The following NXN variants were observed in gnomAD, a reference collection of about 807,000 sequenced individuals.
NXN encodes nucleoredoxin.
Under a neutral mutation model 48.6 loss-of-function variants are expected in NXN, and 16 were observed. The observed-to-expected ratio is 0.33, with a 90% confidence interval of 0.22 to 0.50. The LOEUF (loss-of-function observed/expected upper bound fraction) is 0.50. Ranked by LOEUF, NXN falls within the 20% of genes least tolerant of loss-of-function variation. The pLI is 0.98. For missense variants in NXN, 492 were observed against 605.5 expected (o/e 0.81, Z 1.97); for synonymous variants, 281 against 269.6 (o/e 1.04, Z -0.41).
At chr17:975,065 TC>T (rs969168552) in intron 1 of NXN, among the ~76,000 whole-genome samples, 2 of 151,876 alleles carry the variant, frequency 1.3e-5, no homozygotes, top group African/African-American at 2.4e-5. Flanking sequence ...GCTCAAGTGA[TC>T]CCCCCACCTT....
chr17:841,468 A>G (rs77615386), intron 1 of NXN, among the ~76,000 whole-genome samples: 5,184 of 81,776 alleles, frequency 0.063, 122 homozygotes, highest in Middle Eastern at 0.1. Context: ...CGCATCTCAC[A>G]CGGGCGAGCA....
rs1040889893 is a variant in NXN at position 857,867 on chromosome 17, G to A, written c.361-31789C>T. Among the ~76,000 whole-genome samples, 10 of 152,154 alleles carry A rather than the reference G, an allele frequency of 6.6e-5. No individual in the cohort carries two copies. The East Asian group carries it at 7.7e-4, about 12-fold the overall frequency. On this transcript the variant is annotated intron_variant, in intron 1 of 7. Coordinates refer to ENST00000336868, the MANE Select transcript of NXN (RefSeq NM_022463.5). ...GTTATTCCTTTTGTAGTTTTCTTTC[G>A]GTCCTTCCAATTACTTTAAGAGAAG...
intron 1 of NXN, among the ~76,000 whole-genome samples, chr17:886,059 T>C (rs2068343775): frequency 6.6e-6 from 1 of 151,958 alleles, no homozygotes; most frequent in African/African-American, 2.4e-5. Flanking sequence ...AACCCTGGCA[T>C]GGAACCACAC....
At position 841,572 on chromosome 17, in the gene NXN, GGA is replaced by G. The variant is rs1567827922; in HGVS notation, c.361-15496_361-15495del. 1.3e-3 allele frequency among the ~76,000 whole-genome samples: 117 copies of G among 91,434 alleles called. 11 individuals are homozygous for G. Among genetic ancestry groups the G allele is most frequent in the Middle Eastern group, 0.012 (2 of 166 alleles). 60.0% of individuals were successfully genotyped at this position (91,434 alleles called of 152,430 possible). ...CGGCGAGCAGGTCCCCCCTGACCAC[GGA>G]GCATCTCACGCCGGCGAGCAGGTCC... On this transcript the variant is annotated intron_variant, in intron 1 of 7. Coordinates refer to ENST00000336868, the MANE Select transcript of NXN (RefSeq NM_022463.5).
At chr17:887,642 C>A (rs539022269) in intron 1 of NXN, among the ~76,000 whole-genome samples, 1 of 152,108 alleles carries the variant, frequency 6.6e-6, no homozygotes, top group Admixed American at 6.6e-5. Context: ...GCCAATTAAA[C>A]GGGAATGCAG....
chr17:866,495 C>G (rs1402203464), intron 1 of NXN, among the ~76,000 whole-genome samples: 1 of 152,108 alleles, frequency 6.6e-6, no homozygotes, highest in Non-Finnish European at 1.5e-5. Flanking sequence ...ACCCTTGTAC[C>G]CAGGAGGCGG....
intron 1 of NXN, among the ~76,000 whole-genome samples, chr17:914,583 A>G (rs1227761572): frequency 1.3e-5 from 2 of 152,236 alleles, no homozygotes; most frequent in Non-Finnish European, 2.9e-5. Context: ...TAGAGGAGAC[A>G]GGAATATACA....
chr17:822,448 A>G lies in NXN; in HGVS notation c.622T>C (p.Cys208Arg). The stretch of plus-strand genomic sequence containing the variant: ...ACCAGGACCCGGGTGAGGCTTCGGC[A>G]GGGCGGACACTGAAAGACAGGACAG... ...VYFSAHWCPPCRSLTRVLVES... is the reference protein window; with the variant it reads ...VYFSAHWCPPRRSLTRVLVES... Residue 208 changes from cysteine (C) to arginine (R), a missense_variant, in exon 4 of 8, where the codon TGC becomes CGC. By Grantham distance (180) the Cys-to-Arg change is radical (BLOSUM62 -3). Coordinates refer to ENST00000336868, the MANE Select transcript of NXN (RefSeq NM_022463.5). 6.2e-7 allele frequency: 1 copy of G among 1,613,780 alleles called. No homozygotes were observed.
At chr17:934,512 T>C (rs565159669) in intron 1 of NXN, among the ~76,000 whole-genome samples, 1 of 148,818 alleles carries the variant, frequency 6.7e-6, no homozygotes, top group South Asian at 2.2e-4. Context: ...GTATAGAAAG[T>C]CATTTCTGGA....
At chr17:940,681 C>G (rs1203801990) in intron 1 of NXN, among the ~76,000 whole-genome samples, 4 of 151,600 alleles carry the variant, frequency 2.6e-5, no homozygotes, top group Non-Finnish European at 4.4e-5. Flanking sequence ...TTACAGTGAA[C>G]AAGATTCCAG....
At position 919,264 on chromosome 17, in the gene NXN, GA is replaced by G. The variant is rs2068721175; in HGVS notation, c.360+60054del. On this transcript the variant is annotated intron_variant, in intron 1 of 7. Coordinates refer to ENST00000336868, the MANE Select transcript of NXN (RefSeq NM_022463.5). The surrounding 1 kb of genome is among the most constrained non-coding windows in gnomAD (Gnocchi z 5.1). ...TGTAGTCCCAGTTCCTTGGGAGGCT[GA>G]AGCAGGAGAATAGCTTGAACTAGGG... 6.6e-6 allele frequency among the ~76,000 whole-genome samples: 1 copy of G among 152,096 alleles called. No homozygotes were observed. Among genetic ancestry groups the G allele is most frequent in the Admixed American group, 6.6e-5 (1 of 15,260 alleles).
intron 1 of NXN, among the ~76,000 whole-genome samples, chr17:866,239 C>G (rs2068094505): frequency 6.6e-6 from 1 of 151,858 alleles, no homozygotes; most frequent in Non-Finnish European, 1.5e-5. Flanking sequence ...CAGACAATAC[C>G]CGTCACATAC....
At chr17:810,707 T>C (rs910654733) in intron 5 of NXN, among the ~76,000 whole-genome samples, 5 of 152,094 alleles carry the variant, frequency 3.3e-5, no homozygotes, top group Admixed American at 1.3e-4. Context: ...CTGACCAACA[T>C]GGTGAAACCC....
At chr17:882,230 A>G (rs1484868178) in intron 1 of NXN, among the ~76,000 whole-genome samples, 1 of 152,156 alleles carries the variant, frequency 6.6e-6, no homozygotes, top group Admixed American at 6.5e-5. Context: ...CCTTCCCACA[A>G]GTGACCACCT....
At chr17:924,718 CG>C (rs2068782277) in intron 1 of NXN, among the ~76,000 whole-genome samples, 1 of 292 alleles carries the variant, frequency 3.4e-3, no homozygotes, top group South Asian at 0.5. Flanking sequence ...AGACTAACTC[CG>C]TTCCGTTCCG....
chr17:817,671 G>GA (rs1230474649), intron 5 of NXN, among the ~76,000 whole-genome samples: 4,723 of 107,074 alleles, frequency 0.044, 146 homozygotes, highest in African/African-American at 0.093. Flanking sequence ...TCCAATTCAG[G>GA]AAAAAAAAAA....
At chr17:904,515 G>T (rs2068566023) in intron 1 of NXN, among the ~76,000 whole-genome samples, 1 of 152,102 alleles carries the variant, frequency 6.6e-6, no homozygotes, top group African/African-American at 2.4e-5. Context: ...ATCAGTAACA[G>T]GAACTCACCC....
intron 1 of NXN, among the ~76,000 whole-genome samples, chr17:913,468 C>G (rs2068655851): frequency 6.6e-6 from 1 of 152,202 alleles, no homozygotes; most frequent in East Asian, 1.9e-4. Context: ...GGCCCCTGCC[C>G]ACAGCAGAGA....
chr17:922,884 C>T (rs1156892447), intron 1 of NXN, among the ~76,000 whole-genome samples: 1 of 151,920 alleles, frequency 6.6e-6, no homozygotes, highest in Admixed American at 6.6e-5. Context: ...ATCTCCTGAC[C>T]TCATGATCCA....
Sources: allele counts gnomAD v4.1 joint callset (sites outside exome capture counted in the v4.1 genomes callset), GRCh38; gene constraint gnomAD v4.1.1; non-coding constraint Gnocchi (gnomAD v3.1); transcripts MANE v1.5; gene names NCBI Gene and HGNC (gene_info 2026-07-23, HGNC 2026-07-21).